The following EIF2A variants were observed in gnomAD, a reference collection of about 807,000 sequenced individuals.
The protein encoded by EIF2A is eukaryotic translation initiation factor 2A.
A neutral mutation model predicts 75.2 loss-of-function variants in EIF2A; 62 were observed. That is an observed-to-expected ratio of 0.82 (90% confidence interval 0.67 to 1.02). The LOEUF is 1.02. EIF2A is among the 50% of genes least tolerant of loss of function. The probability of loss-of-function intolerance (pLI) is 0.00; values close to 1 mark genes in which losing one functional copy is unlikely to be tolerated. For synonymous variants in EIF2A, 207 were observed against 239.0 expected (o/e 0.87, Z 1.23); for missense variants, 611 against 677.7 (o/e 0.90, Z 1.09).
intron 9 of EIF2A, among the ~76,000 whole-genome samples, chr3:150,569,279 A>G (rs6795828): frequency 0.34 from 51,594 of 152,060 alleles, 9,114 homozygotes; most frequent in East Asian, 0.49. Context: ...AAAAATAATA[A>G]GAACAAATAT....
chr3:150,582,321 A>ATTTT (rs35048163), intron 12 of EIF2A, among the ~76,000 whole-genome samples: 1 of 143,654 alleles, frequency 7.0e-6, no homozygotes, highest in East Asian at 2.0e-4. Context: ...ATTTAATTTA[A>ATTTT]TTTTTTTTTT....
intron 13 of EIF2A, 138 bp downstream of exon 13, chr3:150,583,403 A>C (rs1174370682): frequency 2.7e-6 from 2 of 740,854 alleles, no homozygotes; most frequent in South Asian, 4.6e-5. Flanking sequence ...TATTCTTTTT[A>C]ATGTTTTTAC....
At chr3:150,570,587 A>T (rs935773208) in intron 9 of EIF2A, among the ~76,000 whole-genome samples, 1 of 152,030 alleles carries the variant, frequency 6.6e-6, no homozygotes, top group Non-Finnish European at 1.5e-5. Context: ...AGAAGAAGAA[A>T]AAAAATCAGC....
intron 3 of EIF2A, among the ~76,000 whole-genome samples, chr3:150,560,611 A>AT (rs1236999839): frequency 6.6e-6 from 1 of 151,830 alleles, no homozygotes. Context: ...CTATGTGGTA[A>AT]TTTTTCATTC....
rs1164358000 is a variant in EIF2A at position 150,562,607 on chromosome 3, G to C, written c.239G>C (p.Cys80Ser). The C allele has an allele frequency of 6.2e-7, 1 of 1,613,568 alleles. No homozygotes were observed. Among genetic ancestry groups the C allele is most frequent in the Admixed American group, 1.7e-5 (1 of 60,008 alleles). ...LHSFDLLKAV[C>S]LEFSPKNTVL... ...TCCTTCGACCTCCTGAAGGCAGTTT[G>C]CCTTGAATTCTCACCCAAAAATACT... is the stretch of plus-strand genomic sequence containing the variant. Residue 80 changes from cysteine to serine, a missense_variant, in exon 4 of 14, where the codon TGC (cysteine) becomes TCC (serine). Coordinates refer to ENST00000460851, the MANE Select transcript of EIF2A (RefSeq NM_032025.5).
intron 9 of EIF2A, among the ~76,000 whole-genome samples, chr3:150,569,631 A>G (rs1188913826): frequency 6.6e-6 from 1 of 152,134 alleles, no homozygotes; most frequent in Non-Finnish European, 1.5e-5. Context: ...CCTGGCTAAC[A>G]TGGTGAAACC....
At chr3:150,566,859 A>G (rs1724209537) in intron 6 of EIF2A, 1 of 152,236 alleles carries the variant, frequency 6.6e-6, no homozygotes, top group Middle Eastern at 3.2e-3. Context: ...TTTTGAGTAT[A>G]TCATAGTTAG....
At chr3:150,563,714 T>G in intron 5 of EIF2A, 100 bp downstream of exon 5, 1 of 966,124 alleles carries the variant, frequency 1.0e-6, no homozygotes, top group Non-Finnish European at 1.5e-6. Flanking sequence ...AAATAACTTA[T>G]CAGACAAAAA....
intron 10 of EIF2A, among the ~76,000 whole-genome samples, chr3:150,575,238 T>TA (rs1218938816): frequency 6.6e-6 from 1 of 152,250 alleles, no homozygotes; most frequent in Non-Finnish European, 1.5e-5. Context: ...ATTTTACAAG[T>TA]AAAGATCTAG....
At chr3:150,567,810 C>G (rs1474082510) in intron 7 of EIF2A, 44 bp downstream of exon 7, 2 of 1,566,364 alleles carry the variant, frequency 1.3e-6, no homozygotes, top group South Asian at 1.2e-5. Context: ...GTGTTTAAAC[C>G]TTTTCCTAGT....
chr3:150,577,421 T>C (rs1376937232), intron 11 of EIF2A, among the ~76,000 whole-genome samples: 1 of 152,132 alleles, frequency 6.6e-6, no homozygotes, highest in African/African-American at 2.4e-5. Context: ...CACGGCTCAC[T>C]GCAACCCCAG....
intron 11 of EIF2A, among the ~76,000 whole-genome samples, chr3:150,576,614 A>G (rs1037350208): frequency 2.0e-5 from 3 of 152,212 alleles, no homozygotes; most frequent in African/African-American, 7.2e-5. Flanking sequence ...CACTAATGGT[A>G]TTATGTAAGC....
At chr3:150,558,561 G>A (rs1308732798) in intron 3 of EIF2A, 99 bp downstream of exon 3, 11 of 1,046,898 alleles carry the variant, frequency 1.1e-5, no homozygotes, top group South Asian at 2.2e-5. Flanking sequence ...AATAAAATCC[G>A]TCTTTTAATG....
intron 1 of EIF2A, among the ~76,000 whole-genome samples, chr3:150,549,858 A>C (rs1723231919): frequency 6.6e-6 from 1 of 152,182 alleles, no homozygotes; most frequent in African/African-American, 2.4e-5. Context: ...TGACCAGTTG[A>C]AGTCACAGAG....
intron 10 of EIF2A, 53 bp downstream of exon 10, chr3:150,572,582 T>G: frequency 1.3e-6 from 2 of 1,514,718 alleles, no homozygotes. Flanking sequence ...GGGCCAGGAG[T>G]GGTGGTTCAC....
chr3:150,580,495 G>GT (rs1725123297), intron 11 of EIF2A, among the ~76,000 whole-genome samples: 1 of 152,138 alleles, frequency 6.6e-6, no homozygotes. Flanking sequence ...TGCTTGTGTG[G>GT]TAAGTTGAAT....
chr3:150,555,886 A>T (rs1723539423), intron 2 of EIF2A, among the ~76,000 whole-genome samples: 1 of 152,196 alleles, frequency 6.6e-6, no homozygotes, highest in Non-Finnish European at 1.5e-5. Context: ...CCACAAATCC[A>T]CAAAATATAG....
chr3:150,558,539 T>G, intron 3 of EIF2A, 77 bp downstream of exon 3: 1 of 1,223,850 alleles, frequency 8.2e-7, no homozygotes, highest in Non-Finnish European at 1.1e-6. Flanking sequence ...TAACAGATAT[T>G]TGAGTGTCAT....
Position 150,581,839 on chromosome 3 carries a change from A to C in EIF2A, c.1626+93A>C, listed in dbSNP as rs1275730619. On this transcript the variant is annotated intron_variant, in intron 12 of 13. Coordinates refer to ENST00000460851, the MANE Select transcript of EIF2A (RefSeq NM_032025.5). ...CTTAGATGCCTAAAGACAGGTATCT[A>C]AGAAGTTGGTATCAGCAGTTCTCAT... 3.5e-6 allele frequency: 5 copies of C among 1,435,808 alleles called. No individual in the cohort carries two copies. In the East Asian group the frequency reaches 1.2e-4, roughly 36 times the overall value. 88.9% of individuals were successfully genotyped at this position (1,435,808 alleles called of 1,614,324 possible).
Sources: allele counts gnomAD v4.1 joint callset (sites outside exome capture counted in the v4.1 genomes callset), GRCh38; gene constraint gnomAD v4.1.1; transcripts MANE v1.5; gene names NCBI Gene and HGNC (gene_info 2026-07-23, HGNC 2026-07-21).